The following TRPM6 variants were observed in gnomAD, a reference collection of about 807,000 sequenced individuals.
TRPM6 encodes the protein transient receptor potential cation channel subfamily M member 6, also known as channel kinase 2.
In TRPM6, 111 loss-of-function variants were observed where a neutral mutation model predicts 247.6. That is an observed-to-expected ratio of 0.45 (90% CI 0.38 to 0.52). TRPM6 has a LOEUF of 0.52. Among genes scored for constraint, TRPM6 ranks in the 20% least tolerant of loss-of-function variants. TRPM6 has a pLI of 0.00. For missense variants in TRPM6, 2,126 were observed against 2,421.5 expected (o/e 0.88, Z 2.56); for synonymous variants, 892 against 853.8 (o/e 1.04, Z -0.78).
At chr9:74,745,292 A>T (rs1022633788) in intron 31 of TRPM6, among the ~76,000 whole-genome samples, 1 of 152,218 alleles carries the variant, frequency 6.6e-6, no homozygotes, top group African/African-American at 2.4e-5. Context: ...GTGAGACCAC[A>T]TTGGTATTTA....
chr9:74,762,765 C>A lies in TRPM6; in HGVS notation c.3906G>T (p.Glu1302Asp), dbSNP rs768230434. The change falls in exon 26 of 39, where the codon GAG becomes GAT. Residue 1302 changes from glutamate to aspartate, a missense_variant. This residue lies in a region of TRPM6 where 717 missense variants were observed against 715.9 expected (regional missense o/e 1.00). Transcript: ENST00000360774. ...PPRVQRGALLEITNSKREATN... is the reference protein window; with the variant it reads ...PPRVQRGALLDITNSKREATN... ...TAGCCTCTCTTTTACTGTTTGTAAT[C>A]TCAAGAAGTGCCCCCCTCTGCACTC... 3.1e-6 allele frequency: 5 copies of A among 1,614,058 alleles called. No homozygotes were observed. The Admixed American group carries it at 8.3e-5, about 27-fold the overall frequency.
In TRPM6 at chr9:74,747,900, A is replaced by G; in HGVS notation, c.5072T>C (p.Ile1691Thr). Residue 1691 changes from isoleucine (I) to threonine (T), a missense_variant, in exon 31 of 39, where the codon ATT becomes ACT. Around this residue, in one of 3 missense-constraint regions of TRPM6, gnomAD observed 717 missense variants for 715.9 expected, o/e 1.00. Coordinates refer to ENST00000360774, the MANE Select transcript of TRPM6 (RefSeq NM_017662.5). ...ACAGAAAAACTTACTGTCAACTCCA[A>G]TTGAACTTTTCAGCCTGTTTGAAAA... ...LNRNSLLKSSIGVDKISASLK... is the reference protein window; with the variant it reads ...LNRNSLLKSSTGVDKISASLK... 3 of 1,611,236 alleles carry G rather than the reference A, an allele frequency of 1.9e-6. No individual in the cohort carries two copies. Among genetic ancestry groups the G allele is most frequent in the East Asian group, 2.2e-5 (1 of 44,736 alleles).
chr9:74,808,187 C>G lies in TRPM6; in HGVS notation c.1498-13G>C, dbSNP rs777753736. 1.9e-6 allele frequency: 3 copies of G among 1,613,800 alleles called. No homozygotes were observed. The Admixed American group carries it at 5.0e-5, about 27-fold the overall frequency. On this transcript the variant is annotated splice_polypyrimidine_tract_variant and intron_variant, in intron 13 of 38. Coordinates refer to ENST00000360774, the MANE Select transcript of TRPM6 (RefSeq NM_017662.5). ...AAAGAAGGGTATGCTGCAACAAAAA[C>G]ATGCAACGACTTTTAACTTTTAGTT... is the stretch of plus-strand genomic sequence containing the variant.
chr9:74,811,242 T>C (rs1280904108), intron 12 of TRPM6, among the ~76,000 whole-genome samples: 1 of 152,136 alleles, frequency 6.6e-6, no homozygotes, highest in African/African-American at 2.4e-5. Flanking sequence ...CAATGACAAA[T>C]ATAAGCACTA....
intron 36 of TRPM6, among the ~76,000 whole-genome samples, chr9:74,734,558 C>T (rs561363144): frequency 6.6e-6 from 1 of 152,248 alleles, no homozygotes; most frequent in African/African-American, 2.4e-5. Context: ...TAATAATGGG[C>T]CTAATCTTAC....
rs768984798 is a variant in TRPM6 at position 74,885,398 on chromosome 9, A to G, written c.33+2426T>C. Among the ~76,000 whole-genome samples the G allele has an allele frequency of 4.5e-4, 68 of 152,216 alleles. 1 individual carries two copies. The highest frequency in any genetic ancestry group is 3.7e-4 in the Non-Finnish European group (25 of 68,040). On this transcript the variant is annotated intron_variant, in intron 1 of 38. Coordinates refer to ENST00000360774, the MANE Select transcript of TRPM6 (RefSeq NM_017662.5). The stretch of plus-strand genomic sequence containing the variant: ...AGGAGCAATTATAAGGAATATCTAG[A>G]GATACAGACAAATAGTAACTAGTTA...
chr9:74,817,618 A>C (rs1454851702), intron 9 of TRPM6, among the ~76,000 whole-genome samples: 1 of 152,154 alleles, frequency 6.6e-6, no homozygotes, highest in Non-Finnish European at 1.5e-5. Context: ...AAGACAAGTA[A>C]GTTCGTTACT....
At chr9:74,803,261 G>C (rs1035457370) in intron 15 of TRPM6, among the ~76,000 whole-genome samples, 22 of 151,316 alleles carry the variant, frequency 1.5e-4, no homozygotes, top group African/African-American at 5.1e-4. Context: ...AGTGGGACTG[G>C]AGGAGTATGA....
chr9:74,882,453 A>G lies in TRPM6; in HGVS notation c.33+5371T>C, dbSNP rs374605897. On this transcript the variant is annotated intron_variant, in intron 1 of 38. Transcript: ENST00000360774. ...GCCCACTGAAGAGTGGGCAAAGGAC[A>G]TGAATCAACGTTTCTCAAACGAATA... Among the ~76,000 whole-genome samples, 13 of 152,350 alleles carry G rather than the reference A, an allele frequency of 8.5e-5. No homozygotes were observed. The East Asian group carries it at 2.3e-3, about 27-fold the overall frequency.
intron 1 of TRPM6, among the ~76,000 whole-genome samples, chr9:74,866,585 G>A (rs559526541): frequency 2.6e-5 from 4 of 152,160 alleles, no homozygotes; most frequent in South Asian, 2.1e-4. Context: ...AGATTCAAGC[G>A]ATTCTCCTGC....
At position 74,808,194 on chromosome 9, in the gene TRPM6, C is replaced by T. The variant is rs894975587; in HGVS notation, c.1498-20G>A. 1.6e-5 allele frequency: 26 copies of T among 1,613,538 alleles called. No homozygotes were observed. Among genetic ancestry groups the T allele is most frequent in the South Asian group, 4.4e-5 (4 of 91,074 alleles). ...GGTATGCTGCAACAAAAACATGCAACGACTTTTAACTTTTAGTTATCTTCT... is the reference window on the plus strand; with the variant it reads ...GGTATGCTGCAACAAAAACATGCAATGACTTTTAACTTTTAGTTATCTTCT... On this transcript the variant is annotated intron_variant, in intron 13 of 38. Transcript: ENST00000360774.
chr9:74,871,804 C>T (rs1024462847), intron 1 of TRPM6, among the ~76,000 whole-genome samples: 9 of 151,816 alleles, frequency 5.9e-5, no homozygotes, highest in African/African-American at 1.7e-4. Flanking sequence ...CCTCACCTCC[C>T]GAGTATCTAG....
intron 38 of TRPM6, among the ~76,000 whole-genome samples, chr9:74,726,156 G>T (rs1429660333): frequency 6.6e-6 from 1 of 152,146 alleles, no homozygotes; most frequent in African/African-American, 2.4e-5. Flanking sequence ...CCACTTAAAT[G>T]TTGGTCAAAA....
intron 7 of TRPM6, among the ~76,000 whole-genome samples, chr9:74,822,164 A>G (rs1003915070): frequency 6.6e-6 from 1 of 152,252 alleles, no homozygotes; most frequent in African/African-American, 2.4e-5. Flanking sequence ...AGTAAACAGA[A>G]CAATATAATA....
intron 31 of TRPM6, among the ~76,000 whole-genome samples, chr9:74,745,185 G>C (rs1825993622): frequency 6.6e-6 from 1 of 152,218 alleles, no homozygotes; most frequent in Admixed American, 6.5e-5. Context: ...CACCTGGAAG[G>C]TAGGGCCTTC....
At chr9:74,802,412 C>A (rs1400870872) in intron 15 of TRPM6, among the ~76,000 whole-genome samples, 1 of 152,146 alleles carries the variant, frequency 6.6e-6, no homozygotes, top group Non-Finnish European at 1.5e-5. Flanking sequence ...GGTCATTTAG[C>A]ATAACTTAAA....
chr9:74,839,353 T>A (rs1315490386), intron 5 of TRPM6, among the ~76,000 whole-genome samples: 1 of 152,136 alleles, frequency 6.6e-6, no homozygotes, highest in Non-Finnish European at 1.5e-5. Flanking sequence ...GCCCCCCATA[T>A]ACAATTCTGG....
chr9:74,887,281 C>T, intron 1 of TRPM6: 2 of 1,353,238 alleles, frequency 1.5e-6, no homozygotes, highest in Non-Finnish European at 1.9e-6. Context: ...GAACACTGGG[C>T]GCACGGGGAC....
chr9:74,812,681 G>A (rs1828777712), intron 11 of TRPM6, among the ~76,000 whole-genome samples: 1 of 151,940 alleles, frequency 6.6e-6, no homozygotes, highest in Non-Finnish European at 1.5e-5. Context: ...CTTGAGTTTA[G>A]GTGTTCCAAA....
Sources: gnomAD v4.1 joint callset for allele counts (sites outside exome capture counted in the v4.1 genomes callset) on GRCh38, gnomAD v4.1.1 for gene constraint, gnomAD v4.1.1 regional missense constraint, MANE v1.5 for transcripts, NCBI Gene and HGNC (gene_info 2026-07-23, HGNC 2026-07-21) for gene names.